The following NRP1 variants were observed in gnomAD, a reference collection of about 807,000 sequenced individuals.
NRP1 encodes the protein neuropilin 1.
NRP1 carries 35 observed loss-of-function variants against 106.7 expected under a neutral mutation model. The observed-to-expected ratio is 0.33, with a 90% CI of 0.25 to 0.43. The LOEUF (loss-of-function observed/expected upper bound fraction) is 0.43. Ranked by LOEUF, NRP1 falls within the 20% of genes least tolerant of loss-of-function variation. NRP1 has a pLI of 1.00. For missense variants in NRP1, 1,024 were observed against 1,170.4 expected, an observed-to-expected ratio of 0.87 and a Z score of 1.83; for synonymous variants, 437 against 417.9, an observed-to-expected ratio of 1.05 and a Z score of -0.56.
At chr10:33,185,069 T>C (rs899027430) in intron 15 of NRP1, among the ~76,000 whole-genome samples, 7 of 152,196 alleles carry the variant, frequency 4.6e-5, no homozygotes, top group Admixed American at 3.3e-4. Flanking sequence ...ACAAGACCCA[T>C]AAAGACCAAC....
Position 33,207,682 on chromosome 10 carries a change from T to C in NRP1, c.1649A>G (p.Glu550Gly). ...GGAGAGAGCTGGAAAAGTCCGCAGC[T>C]CAGGTGTATCATAGTTGTTGTTGCC... ...FEGNNNYDTP[E>G]LRTFPALSTR... Residue 550 changes from glutamate to glycine, a missense_variant, in exon 10 of 17, where the codon GAG becomes GGG. Coordinates refer to ENST00000374867, the MANE Select transcript of NRP1 (RefSeq NM_003873.7). 1 of 1,613,848 alleles carries C rather than the reference T, an allele frequency of 6.2e-7. No homozygotes were observed. The highest frequency in any genetic ancestry group is 1.1e-5 in the South Asian group (1 of 91,052).
intron 12 of NRP1, among the ~76,000 whole-genome samples, chr10:33,196,571 G>T (rs1836800571): frequency 6.6e-6 from 1 of 152,096 alleles, no homozygotes; most frequent in Non-Finnish European, 1.5e-5. Flanking sequence ...CTGAATTTAG[G>T]CAGTGACTCT....
rs1160327036 is a variant in NRP1, at chr10:33,199,389, A to ATTT, written c.1865-1683_1865-1681dup. Among the ~76,000 whole-genome samples the ATTT allele has an allele frequency of 2.1e-3, 79 of 36,844 alleles. 15 individuals are homozygous for ATTT. The highest frequency in any genetic ancestry group is 3.0e-3 in the South Asian group (2 of 668). The allele number at this position is 36,844 out of a possible 152,430, so 24.2% of individuals were successfully genotyped here. The stretch of plus-strand genomic sequence containing the variant: ...TTTCTATATATATATATATATATAT[A>ATTT]TTTTTTTTTTTTTTTTTTTTTTTTT... On this transcript the variant is annotated intron_variant, in intron 11 of 16. Coordinates refer to ENST00000374867, the MANE Select transcript of NRP1 (RefSeq NM_003873.7).
intron 9 of NRP1, among the ~76,000 whole-genome samples, chr10:33,208,425 C>T (rs1837995991): frequency 6.6e-6 from 1 of 152,210 alleles, no homozygotes; most frequent in Non-Finnish European, 1.5e-5. Context: ...CTTGGCCACC[C>T]ACTGCCAGTG....
chr10:33,265,835 CAT>C (rs1842880615), intron 3 of NRP1, among the ~76,000 whole-genome samples: 1 of 152,194 alleles, frequency 6.6e-6, no homozygotes, highest in Non-Finnish European at 1.5e-5. Context: ...GAGATTATGA[CAT>C]GTGCTGTATG....
At chr10:33,249,014 G>A (rs1363057058) in intron 6 of NRP1, among the ~76,000 whole-genome samples, 1 of 151,108 alleles carries the variant, frequency 6.6e-6, no homozygotes, top group Non-Finnish European at 1.5e-5. Context: ...TAGGGAGTGT[G>A]GTAATCCTGG....
chr10:33,310,139 C>T (rs1194604859), intron 2 of NRP1, among the ~76,000 whole-genome samples: 7 of 151,008 alleles, frequency 4.6e-5, no homozygotes, highest in Non-Finnish European at 7.4e-5. Flanking sequence ...TTAGTAGAGA[C>T]GGGGTTTCAC....
intron 3 of NRP1, 73 bp downstream of exon 3, chr10:33,270,602 C>G: frequency 1.5e-6 from 2 of 1,345,632 alleles, no homozygotes; most frequent in Non-Finnish European, 2.0e-6. Context: ...GCTGAGATTA[C>G]AGGGGTGAGC....
intron 6 of NRP1, among the ~76,000 whole-genome samples, chr10:33,249,084 GTTTTTTTTTTTTTT>G (rs750905931): frequency 2.8e-5 from 2 of 72,198 alleles, no homozygotes; most frequent in Admixed American, 1.7e-4. Context: ...TATGTCTCTT[GTTTTTTTTTTTTTT>G]TTTTTTTTTT....
chr10:33,223,140 G>A lies in NRP1; in HGVS notation c.1138-1277C>T, dbSNP rs1426156828. 2.0e-5 allele frequency among the ~76,000 whole-genome samples: 3 copies of A among 152,314 alleles called. No homozygotes were observed. In the East Asian group the frequency reaches 5.8e-4, roughly 29 times the overall value. The stretch of plus-strand genomic sequence containing the variant: ...CACCTCCTTTTAGGCTGCATAACTG[G>A]AGCATCACGGGGCTCACTCGAGGCA... On this transcript the variant is annotated intron_variant, in intron 7 of 16. Coordinates refer to ENST00000374867, the MANE Select transcript of NRP1 (RefSeq NM_003873.7).
chr10:33,236,952 T>C (rs1840603329), intron 6 of NRP1, among the ~76,000 whole-genome samples: 1 of 152,176 alleles, frequency 6.6e-6, no homozygotes, highest in Admixed American at 6.6e-5. Flanking sequence ...AGCTGAGACG[T>C]AGCGCAATTA....
At chr10:33,278,255 T>A (rs966565573) in intron 2 of NRP1, among the ~76,000 whole-genome samples, 2 of 152,116 alleles carry the variant, frequency 1.3e-5, no homozygotes, top group Non-Finnish European at 2.9e-5. Flanking sequence ...CCTTCGCCAA[T>A]CTTATCACCC....
intron 6 of NRP1, among the ~76,000 whole-genome samples, chr10:33,242,122 A>G (rs1226403148): frequency 1.3e-5 from 2 of 150,882 alleles, no homozygotes; most frequent in Non-Finnish European, 2.9e-5. Flanking sequence ...ATCCCAAATC[A>G]CCTCTTCCTG....
chr10:33,322,694 A>G (rs1337028440), intron 2 of NRP1, among the ~76,000 whole-genome samples: 1 of 152,220 alleles, frequency 6.6e-6, no homozygotes, highest in Non-Finnish European at 1.5e-5. Context: ...GTTTCAATTG[A>G]GTGGAAAACC....
At chr10:33,229,616 C>T (rs1037829563) in intron 6 of NRP1, among the ~76,000 whole-genome samples, 4 of 152,050 alleles carry the variant, frequency 2.6e-5, no homozygotes, top group African/African-American at 9.7e-5. Context: ...TGTCCTTTTT[C>T]TATTTTTTAA....
At chr10:33,220,581 T>A (rs1839150801) in intron 8 of NRP1, among the ~76,000 whole-genome samples, 1 of 152,142 alleles carries the variant, frequency 6.6e-6, no homozygotes, top group East Asian at 1.9e-4. Context: ...TACTGCAGAA[T>A]ATAGCATAGT....
At chr10:33,247,992 T>C (rs1334315493) in intron 6 of NRP1, among the ~76,000 whole-genome samples, 1 of 152,144 alleles carries the variant, frequency 6.6e-6, no homozygotes, top group Non-Finnish European at 1.5e-5. Context: ...AGGACGTATA[T>C]AAAAAGTGCT....
chr10:33,199,491 C>T lies in NRP1; in HGVS notation c.1865-1782G>A, dbSNP rs931787631. Among the ~76,000 whole-genome samples, 8 of 139,028 alleles carry T rather than the reference C, an allele frequency of 5.8e-5. No individual in the cohort carries two copies. In the South Asian group the frequency reaches 7.2e-4, roughly 12 times the overall value. The allele number at this position is 139,028 out of a possible 152,430, so 91.2% of individuals were successfully genotyped here. ...CTTCTGACCTCAAGTGATCTTCTCG[C>T]TTTGGCCTCCCAAAGTGCTGGTGTT... On this transcript the variant is annotated intron_variant, in intron 11 of 16. Transcript: ENST00000374867.
rs544317048 is a variant in NRP1 at position 33,237,114 on chromosome 10, C to A, written c.982-10825G>T. ...AGCCCAATCATGGAGCTTCACACAT[C>A]GTAGCCACTCAAACTAAAAGTGTGA... is the stretch of plus-strand genomic sequence containing the variant. On this transcript the variant is annotated intron_variant, in intron 6 of 16. Transcript: ENST00000374867. Among the ~76,000 whole-genome samples, 8 of 152,144 alleles carry A rather than the reference C, an allele frequency of 5.3e-5. No individual in the cohort carries two copies. The East Asian group carries it at 1.2e-3, about 22-fold the overall frequency.
Sources: allele counts gnomAD v4.1 joint callset (sites outside exome capture counted in the v4.1 genomes callset), GRCh38; gene constraint gnomAD v4.1.1; transcripts MANE v1.5; gene names NCBI Gene and HGNC (gene_info 2026-07-23, HGNC 2026-07-21).